NXPH1: variants seen among roughly 807,000 people sequenced by gnomAD.
NXPH1 encodes the protein neurexophilin-1.
NXPH1 carries 5 observed loss-of-function variants against 23.7 expected under a neutral mutation model. That is an observed-to-expected ratio of 0.21 (90% CI 0.11 to 0.44). NXPH1 has a LOEUF of 0.44. NXPH1 is among the 20% of genes least tolerant of loss of function. The pLI is 0.99. For missense variants in NXPH1, 324 were observed against 321.6 expected (o/e 1.01, Z -0.06); for synonymous variants, 144 against 122.2 (o/e 1.18, Z -1.18).
intron 2 of NXPH1, among the ~76,000 whole-genome samples, chr7:8,538,134 A>G (rs978211389): frequency 6.6e-6 from 1 of 151,944 alleles, no homozygotes; most frequent in African/African-American, 2.4e-5. Flanking sequence ...TAGATAAAAC[A>G]TATAAAAGTG....
At chr7:8,588,813 T>A (rs901361894) in intron 2 of NXPH1, among the ~76,000 whole-genome samples, 1 of 152,244 alleles carries the variant, frequency 6.6e-6, no homozygotes, top group African/African-American at 2.4e-5. Flanking sequence ...TGGGTTGACA[T>A]GGACAGGGTG....
intron 2 of NXPH1, among the ~76,000 whole-genome samples, chr7:8,456,643 T>C (rs1816600761): frequency 6.6e-6 from 1 of 152,154 alleles, no homozygotes; most frequent in Admixed American, 6.5e-5. Flanking sequence ...TTTTTGTCTA[T>C]TTGATTTTGA....
intron 2 of NXPH1, among the ~76,000 whole-genome samples, chr7:8,683,099 T>C (rs919663749): frequency 2.0e-5 from 3 of 152,206 alleles, no homozygotes; most frequent in Admixed American, 2.0e-4. Context: ...AGCATCTGCT[T>C]GGCTTCTGGT....
intron 2 of NXPH1, among the ~76,000 whole-genome samples, chr7:8,717,676 C>T (rs1779899113): frequency 6.6e-6 from 1 of 152,078 alleles, no homozygotes; most frequent in Non-Finnish European, 1.5e-5. Flanking sequence ...GACTTGTGCT[C>T]CCATCTAAGA....
intron 2 of NXPH1, among the ~76,000 whole-genome samples, chr7:8,627,510 T>C (rs1820018826): frequency 6.6e-6 from 1 of 152,076 alleles, no homozygotes; most frequent in African/African-American, 2.4e-5. Context: ...CTTTGAGTAG[T>C]AGGATCGCAG....
At chr7:8,717,085 C>T (rs1779890271) in intron 2 of NXPH1, among the ~76,000 whole-genome samples, 1 of 152,120 alleles carries the variant, frequency 6.6e-6, no homozygotes, top group Admixed American at 6.5e-5. Flanking sequence ...GTAACCATGT[C>T]TTCTCTTACT....
intron 2 of NXPH1, among the ~76,000 whole-genome samples, chr7:8,604,874 C>A (rs111941773): frequency 1.3e-5 from 2 of 152,184 alleles, no homozygotes; most frequent in African/African-American, 4.8e-5. Flanking sequence ...AAGCCCAAAT[C>A]TATTTATTCA....
chr7:8,614,495 A>G (rs536809445), intron 2 of NXPH1, among the ~76,000 whole-genome samples: 74 of 152,070 alleles, frequency 4.9e-4, no homozygotes, highest in African/African-American at 1.8e-3. Flanking sequence ...ATGTCTATAG[A>G]TATGGATACA....
At chr7:8,559,542 G>C (rs571934839) in intron 2 of NXPH1, among the ~76,000 whole-genome samples, 1 of 151,622 alleles carries the variant, frequency 6.6e-6, no homozygotes, top group Non-Finnish European at 1.5e-5. Flanking sequence ...AATTTATGCT[G>C]AGAACACTCA....
chr7:8,537,886 T>C (rs377463851), intron 2 of NXPH1, among the ~76,000 whole-genome samples: 1 of 152,016 alleles, frequency 6.6e-6, no homozygotes, highest in East Asian at 1.9e-4. Flanking sequence ...TTCAAAGGCA[T>C]GCATTTTTAG....
intron 2 of NXPH1, among the ~76,000 whole-genome samples, chr7:8,470,234 T>G (rs6463812): frequency 0.15 from 23,391 of 151,472 alleles, 4,541 homozygotes; most frequent in African/African-American, 0.46. Flanking sequence ...GGATAGATTA[T>G]GCAGAGATCT....
At chr7:8,741,543 C>G (rs1344321547) in intron 2 of NXPH1, among the ~76,000 whole-genome samples, 1 of 152,138 alleles carries the variant, frequency 6.6e-6, no homozygotes, top group African/African-American at 2.4e-5. Flanking sequence ...TGTTCCCTTT[C>G]TCCACATCGT....
chr7:8,682,707 A>G (rs1397035001), intron 2 of NXPH1, among the ~76,000 whole-genome samples: 3 of 152,238 alleles, frequency 2.0e-5, no homozygotes, highest in Non-Finnish European at 4.4e-5. Flanking sequence ...ATGAATAAAT[A>G]GAAGTATTGA....
intron 2 of NXPH1, among the ~76,000 whole-genome samples, chr7:8,569,096 C>A (rs1034039487): frequency 7.9e-5 from 12 of 151,934 alleles, no homozygotes; most frequent in African/African-American, 2.9e-4. Context: ...TCTGATGCAT[C>A]ACATCAATCT....
At chr7:8,456,372 A>T (rs1226177177) in intron 2 of NXPH1, among the ~76,000 whole-genome samples, 1 of 152,230 alleles carries the variant, frequency 6.6e-6, no homozygotes, top group Non-Finnish European at 1.5e-5. Flanking sequence ...TCTTGATTCT[A>T]ATGTTACAAT....
At chr7:8,667,719 A>G (rs1267201145) in intron 2 of NXPH1, among the ~76,000 whole-genome samples, 2 of 152,102 alleles carry the variant, frequency 1.3e-5, no homozygotes, top group Admixed American at 1.3e-4. Flanking sequence ...AGATATTTAT[A>G]TCTCTACCTA....
chr7:8,732,000 G>C (rs931402220), intron 2 of NXPH1, among the ~76,000 whole-genome samples: 1 of 152,220 alleles, frequency 6.6e-6, no homozygotes, highest in South Asian at 2.1e-4. Flanking sequence ...AAGACTCCGC[G>C]GGCATAGGAC....
intron 2 of NXPH1, among the ~76,000 whole-genome samples, chr7:8,483,375 G>A (rs879602852): frequency 3.3e-5 from 5 of 151,758 alleles, no homozygotes; most frequent in African/African-American, 9.7e-5. Flanking sequence ...CAGTCACTCC[G>A]GCTGGAGTAG....
At chr7:8,444,370 G>A (rs1288062977) in intron 2 of NXPH1, among the ~76,000 whole-genome samples, 3 of 152,196 alleles carry the variant, frequency 2.0e-5, no homozygotes, top group African/African-American at 4.8e-5. Flanking sequence ...TGAGGCCCTG[G>A]CGAGATTTCG....
Sources: allele counts gnomAD v4.1 joint callset (sites outside exome capture counted in the v4.1 genomes callset), GRCh38; gene constraint gnomAD v4.1.1; transcripts MANE v1.5; gene names NCBI Gene and HGNC (gene_info 2026-07-23, HGNC 2026-07-21).